PKHD1L1: variants seen among roughly 807,000 people sequenced by gnomAD.
The protein encoded by PKHD1L1 is PKHD1 like 1.
Under a neutral mutation model 462.9 loss-of-function variants are expected in PKHD1L1, and 434 were observed. The ratio of observed to expected loss-of-function variants is 0.94; its 90% CI spans 0.87 to 1.02. The LOEUF (loss-of-function observed/expected upper bound fraction) is 1.02, where lower values mean the gene tolerates loss of function less well. Among genes scored for constraint, PKHD1L1 ranks in the 50% least tolerant of loss-of-function variants. The pLI, the probability that PKHD1L1 is intolerant of heterozygous loss-of-function variation, is 0.00. For synonymous variants in PKHD1L1, 1,781 were observed against 1,750.0 expected (o/e 1.02, Z -0.44); for missense variants, 5,202 against 5,096.1 (o/e 1.02, Z -0.63).
chr8:109,476,933 G>A (rs889461178), intron 52 of PKHD1L1, among the ~76,000 whole-genome samples: 2 of 151,932 alleles, frequency 1.3e-5, no homozygotes, highest in East Asian at 3.9e-4. Flanking sequence ...TGAATACAAT[G>A]GAAGCTGGCA....
intron 2 of PKHD1L1, among the ~76,000 whole-genome samples, chr8:109,371,029 T>A (rs1417355355): frequency 2.6e-5 from 4 of 152,222 alleles, no homozygotes. Context: ...TACCCAGTAA[T>A]GGGATGGCTG....
intron 67 of PKHD1L1, among the ~76,000 whole-genome samples, chr8:109,503,162 G>C (rs1819512740): frequency 6.6e-6 from 1 of 152,094 alleles, no homozygotes; most frequent in Admixed American, 6.6e-5. Flanking sequence ...ACAAAAATTA[G>C]CCAGTCATGG....
intron 24 of PKHD1L1, 99 bp downstream of exon 24, chr8:109,425,331 T>C: frequency 1.3e-6 from 1 of 761,054 alleles, no homozygotes; most frequent in Non-Finnish European, 1.9e-6. Flanking sequence ...TACTACTTAT[T>C]GATACATACA....
rs537203598 is a variant in PKHD1L1, at chr8:109,493,833, A to G, written c.10327+82A>G. The stretch of plus-strand genomic sequence containing the variant: ...TAAAATAAATAATTATTGTTTGTTA[A>G]TTCAATATGTGATGTCTTTTCCTTC... On this transcript the variant is annotated intron_variant, in intron 63 of 77. Coordinates refer to ENST00000378402, the MANE Select transcript of PKHD1L1 (RefSeq NM_177531.6). 12 of 863,748 alleles carry G rather than the reference A, an allele frequency of 1.4e-5. No individual in the cohort carries two copies. In the South Asian group the frequency reaches 2.9e-4, roughly 21 times the overall value. The allele number at this position is 863,748 out of a possible 1,614,324, so 53.5% of individuals were successfully genotyped here.
intron 50 of PKHD1L1, 50 bp downstream of exon 50, chr8:109,466,819 A>G: frequency 6.8e-7 from 1 of 1,479,900 alleles, no homozygotes; most frequent in Non-Finnish European, 9.1e-7. Flanking sequence ...TATCTTCCTA[A>G]ACTTTTGTCA....
At chr8:109,440,983 G>A (rs1486278554) in intron 33 of PKHD1L1, 131 bp downstream of exon 33, 26 of 1,159,958 alleles carry the variant, frequency 2.2e-5, no homozygotes, top group Non-Finnish European at 3.1e-5. Flanking sequence ...AAAGGTAAGT[G>A]TATTTGGTTA....
chr8:109,475,500 G>T (rs1406309172), intron 51 of PKHD1L1, among the ~76,000 whole-genome samples: 1 of 152,032 alleles, frequency 6.6e-6, no homozygotes, highest in African/African-American at 2.4e-5. Flanking sequence ...GTAGTACTAA[G>T]CTTATTCCCC....
chr8:109,427,440 C>T (rs1814822981), intron 25 of PKHD1L1, among the ~76,000 whole-genome samples: 1 of 152,130 alleles, frequency 6.6e-6, no homozygotes, highest in Non-Finnish European at 1.5e-5. Context: ...AGGTGGAGCG[C>T]AGTCAGGACC....
chr8:109,498,447 C>T lies in PKHD1L1; in HGVS notation c.10600-15C>T. Reference sequence around the variant, plus strand: ...CTATTATTAATGCTATATTGTTTGGCTTATTTCCAAACAGAGCTCATTAAT... The same window carrying T: ...CTATTATTAATGCTATATTGTTTGGTTTATTTCCAAACAGAGCTCATTAAT... On this transcript the variant is annotated splice_polypyrimidine_tract_variant and intron_variant, in intron 65 of 77. Transcript: ENST00000378402. 1 of 1,563,652 alleles carries T rather than the reference C, an allele frequency of 6.4e-7. No homozygotes were observed. Among genetic ancestry groups the T allele is most frequent in the South Asian group, 1.1e-5 (1 of 89,990 alleles).
intron 50 of PKHD1L1, among the ~76,000 whole-genome samples, chr8:109,472,109 A>G (rs1817752061): frequency 6.6e-6 from 1 of 152,032 alleles, no homozygotes; most frequent in African/African-American, 2.4e-5. Context: ...ATAATGTTAG[A>G]CTTGTGCGCA....
chr8:109,394,194 A>AG (rs1563733017), intron 9 of PKHD1L1, among the ~76,000 whole-genome samples: 2 of 142,146 alleles, frequency 1.4e-5, no homozygotes, highest in Admixed American at 7.4e-5. Context: ...AAAAAAAAAA[A>AG]AAAGAAATCA....
chr8:109,425,101 C>G lies in PKHD1L1; in HGVS notation c.2714C>G (p.Thr905Arg). 1 of 1,584,900 alleles carries G rather than the reference C, an allele frequency of 6.3e-7. No homozygotes were observed. The highest frequency in any genetic ancestry group is 1.2e-5 in the South Asian group (1 of 85,314). ...VSFGQIITHE[T>R]ENEFVYRGNN... The stretch of plus-strand genomic sequence containing the variant: ...GGAAATTAGATAATCACACATGAGA[C>G]AGAGAACGAGTTTGTCTACAGAGGA... The change falls in exon 24 of 78, where the codon ACA (threonine) becomes AGA (arginine). Residue 905 changes from threonine to arginine, a missense_variant. Around this residue, in one of 3 missense-constraint regions of PKHD1L1, gnomAD observed 4,497 missense variants for 4,336.8 expected, o/e 1.04. Coordinates refer to ENST00000378402, the MANE Select transcript of PKHD1L1 (RefSeq NM_177531.6).
chr8:109,525,056 A>T (rs1249945678), intron 76 of PKHD1L1, among the ~76,000 whole-genome samples: 1 of 152,178 alleles, frequency 6.6e-6, no homozygotes, highest in Non-Finnish European at 1.5e-5. Context: ...ATAACAACAA[A>T]GCATTAGTGA....
chr8:109,428,579 G>C (rs1476593909), intron 25 of PKHD1L1, among the ~76,000 whole-genome samples: 1 of 152,142 alleles, frequency 6.6e-6, no homozygotes, highest in Non-Finnish European at 1.5e-5. Flanking sequence ...ACATGGCTGG[G>C]AACTGAAATT....
At chr8:109,379,357 A>G (rs1586387883) in intron 2 of PKHD1L1, among the ~76,000 whole-genome samples, 1 of 152,202 alleles carries the variant, frequency 6.6e-6, no homozygotes, top group African/African-American at 2.4e-5. Context: ...CTGCCATAGA[A>G]TTCCATAAAA....
At position 109,510,903 on chromosome 8, in the gene PKHD1L1, G is replaced by A. The variant is rs751619314; in HGVS notation, c.11522G>A (p.Arg3841Gln). ...ACTGGCACCAGTCCTCAGAATCTTC[G>A]ACTGATGTTGCTTAATGTTGATCAT... ...YFTGTSPQNL[R>Q]LMLLNVDHNK... The change falls in exon 71 of 78, where the codon CGA (arginine) becomes CAA (glutamine). Residue 3841 changes from arginine (R) to glutamine (Q), a missense_variant. By Grantham distance (43) the Arg-to-Gln change is conservative. Transcript: ENST00000378402. 3.1e-6 allele frequency: 5 copies of A among 1,613,018 alleles called. No homozygotes were observed. The highest frequency in any genetic ancestry group is 2.5e-6 in the Non-Finnish European group (3 of 1,179,330).
chr8:109,503,284 A>C (rs540102794), intron 67 of PKHD1L1, among the ~76,000 whole-genome samples: 1 of 1,022 alleles, frequency 9.8e-4, no homozygotes, highest in East Asian at 0.083. Flanking sequence ...CATCTCAAAA[A>C]ACAAAAAACA....
chr8:109,499,690 A>G (rs1481547592), intron 67 of PKHD1L1, among the ~76,000 whole-genome samples: 1 of 152,274 alleles, frequency 6.6e-6, no homozygotes, highest in African/African-American at 2.4e-5. Flanking sequence ...AAAATAACAT[A>G]TAAAAGTTGG....
intron 58 of PKHD1L1, among the ~76,000 whole-genome samples, chr8:109,485,843 C>T (rs1384662967): frequency 2.6e-5 from 4 of 151,912 alleles, no homozygotes; most frequent in Non-Finnish European, 1.5e-5. Context: ...CTTCTCAAAG[C>T]AGTACTTTAA....
Sources: allele counts gnomAD v4.1 joint callset (sites outside exome capture counted in the v4.1 genomes callset), GRCh38; gene constraint gnomAD v4.1.1; regional missense constraint gnomAD v4.1.1; transcripts MANE v1.5; gene names NCBI Gene and HGNC (gene_info 2026-07-23, HGNC 2026-07-21).